The following PTPRM variants were observed in gnomAD, a reference collection of about 807,000 sequenced individuals.
The protein encoded by PTPRM is receptor-type tyrosine-protein phosphatase mu.
A neutral mutation model predicts 186.7 loss-of-function variants in PTPRM; 47 were observed. The ratio of observed to expected loss-of-function variants is 0.25; its 90% confidence interval spans 0.20 to 0.32. The LOEUF (loss-of-function observed/expected upper bound fraction) is 0.32, where lower values mean the gene tolerates loss of function less well. Ranked by LOEUF, PTPRM falls within the 10% of genes least tolerant of loss-of-function variation. PTPRM has a pLI of 1.00. For missense variants in PTPRM, 1,494 were observed against 1,865.0 expected, an observed-to-expected ratio of 0.80 and a Z score of 3.66; for synonymous variants, 668 against 674.9, an observed-to-expected ratio of 0.99 and a Z score of 0.16.
chr18:7,591,910 TG>T (rs1404350695), intron 1 of PTPRM, among the ~76,000 whole-genome samples: 1 of 152,140 alleles, frequency 6.6e-6, no homozygotes, highest in Non-Finnish European at 1.5e-5. Context: ...GGAGAATGCA[TG>T]ATGAGAGATT....
chr18:8,016,959 C>T (rs954913978), intron 7 of PTPRM, among the ~76,000 whole-genome samples: 2 of 152,142 alleles, frequency 1.3e-5, no homozygotes, highest in South Asian at 2.1e-4. Flanking sequence ...TCTCTGGTTC[C>T]AACATTTACA....
chr18:8,354,506 G>A (rs2095553322), intron 23 of PTPRM, among the ~76,000 whole-genome samples: 1 of 152,194 alleles, frequency 6.6e-6, no homozygotes, highest in South Asian at 2.1e-4. Context: ...GAATCAGAGA[G>A]CAAGGTAGAG....
chr18:7,984,598 TATATACACACAC>T (rs1192404447), intron 7 of PTPRM, among the ~76,000 whole-genome samples: 2 of 115,112 alleles, frequency 1.7e-5, no homozygotes, highest in East Asian at 4.4e-4. Flanking sequence ...TATATATATA[TATATACACACAC>T]ACACACACAC....
intron 1 of PTPRM, among the ~76,000 whole-genome samples, chr18:7,659,475 T>C (rs1453138595): frequency 6.6e-6 from 1 of 152,180 alleles, no homozygotes; most frequent in Non-Finnish European, 1.5e-5. Flanking sequence ...TTAATGTGTT[T>C]CCTTAATTAT....
At chr18:7,705,325 A>ATCTGTCTGTCTGTCTGTCTGTCTG (rs1222961839) in intron 1 of PTPRM, among the ~76,000 whole-genome samples, 1 of 140,140 alleles carries the variant, frequency 7.1e-6, no homozygotes, top group African/African-American at 2.6e-5. Context: ...CTATCTATCT[A>ATCTGTCTGTCTGTCTGTCTGTCTG]TCTGTCTATC....
chr18:8,045,215 G>A (rs897933986), intron 7 of PTPRM, among the ~76,000 whole-genome samples: 1 of 152,112 alleles, frequency 6.6e-6, no homozygotes, highest in Non-Finnish European at 1.5e-5. Flanking sequence ...GGACGTGATG[G>A]CATGTACGTC....
At chr18:8,249,244 A>G (rs781151254) in intron 17 of PTPRM, among the ~76,000 whole-genome samples, 6 of 152,044 alleles carry the variant, frequency 3.9e-5, no homozygotes, top group Middle Eastern at 3.2e-3. Flanking sequence ...CGATTTTTGT[A>G]TAGAAGGTAA....
At chr18:7,617,695 T>C (rs1441954461) in intron 1 of PTPRM, among the ~76,000 whole-genome samples, 1 of 152,214 alleles carries the variant, frequency 6.6e-6, no homozygotes, top group Non-Finnish European at 1.5e-5. Context: ...AAATATGCAT[T>C]TTTAAATGTA....
chr18:8,230,959 T>TA (rs2094279242), intron 14 of PTPRM, among the ~76,000 whole-genome samples: 1 of 152,170 alleles, frequency 6.6e-6, no homozygotes. Context: ...AATAAACACT[T>TA]ATTCTTGTTA....
intron 20 of PTPRM, among the ~76,000 whole-genome samples, chr18:8,308,708 C>T (rs531894436): frequency 6.6e-6 from 1 of 152,308 alleles, no homozygotes; most frequent in South Asian, 2.1e-4. Context: ...AATATAGTTA[C>T]ATTTTGCCTG....
chr18:7,833,959 C>T (rs1598953015), intron 2 of PTPRM, among the ~76,000 whole-genome samples: 3 of 152,258 alleles, frequency 2.0e-5, no homozygotes, highest in Non-Finnish European at 4.4e-5. Flanking sequence ...TTTCAGTTCT[C>T]TTGCCTGATT....
intron 7 of PTPRM, among the ~76,000 whole-genome samples, chr18:7,990,641 A>G (rs943139997): frequency 2.6e-5 from 4 of 152,210 alleles, no homozygotes; most frequent in African/African-American, 9.7e-5. Context: ...ATTCATGGAG[A>G]TGAAGCTCTT....
intron 7 of PTPRM, among the ~76,000 whole-genome samples, chr18:8,055,882 G>GT (rs1207586972): frequency 6.6e-6 from 1 of 152,138 alleles, no homozygotes; most frequent in East Asian, 1.9e-4. Flanking sequence ...CCCTGCCCCT[G>GT]GCCCATGGCT....
intron 1 of PTPRM, among the ~76,000 whole-genome samples, chr18:7,651,482 T>C (rs903634215): frequency 1.3e-5 from 2 of 152,118 alleles, no homozygotes; most frequent in African/African-American, 2.4e-5. Flanking sequence ...GGAGGCATCA[T>C]GCTACCTGAC....
chr18:7,971,399 G>A (rs1277581255), intron 7 of PTPRM, among the ~76,000 whole-genome samples: 1 of 44,766 alleles, frequency 2.2e-5, no homozygotes, highest in Non-Finnish European at 3.9e-5. Context: ...CATAGGCGTG[G>A]GCAAGGACTT....
intron 19 of PTPRM, 90 bp downstream of exon 19, chr18:8,253,504 A>G: frequency 1.7e-6 from 2 of 1,193,386 alleles, no homozygotes; most frequent in Non-Finnish European, 2.2e-6. Flanking sequence ...AAAGCCAGAG[A>G]AAACCCCCTG....
chr18:7,749,022 G>C (rs1265880861), intron 1 of PTPRM: 9 of 152,166 alleles, frequency 5.9e-5, no homozygotes, highest in African/African-American at 1.9e-4. Flanking sequence ...TGTTTCTCAT[G>C]ATGAGACAAC....
chr18:7,966,885 G>A (rs2054136385), intron 7 of PTPRM, among the ~76,000 whole-genome samples: 2 of 126,932 alleles, frequency 1.6e-5, no homozygotes, highest in East Asian at 2.1e-4. Context: ...GGGGAGGGGC[G>A]CCCACCATTG....
chr18:7,638,294 A>G (rs1207629297), intron 1 of PTPRM, among the ~76,000 whole-genome samples: 1 of 152,210 alleles, frequency 6.6e-6, no homozygotes, highest in Non-Finnish European at 1.5e-5. Flanking sequence ...TAATAATTTC[A>G]ACTTCATGTG....
Sources: gnomAD v4.1 joint callset for allele counts (sites outside exome capture counted in the v4.1 genomes callset) on GRCh38, gnomAD v4.1.1 for gene constraint, MANE v1.5 for transcripts, NCBI Gene and HGNC (gene_info 2026-07-23, HGNC 2026-07-21) for gene names.